The following KCNQ2 variants were observed in gnomAD, a reference collection of about 807,000 sequenced individuals.
The protein encoded by KCNQ2 is potassium voltage-gated channel subfamily KQT member 2.
KCNQ2 carries 14 observed loss-of-function variants against 84.8 expected under a neutral mutation model. The ratio of observed to expected loss-of-function variants is 0.17; its 90% confidence interval spans 0.11 to 0.26. KCNQ2 has a LOEUF of 0.26. Among genes scored for constraint, KCNQ2 ranks in the 10% least tolerant of loss-of-function variants. KCNQ2 has a pLI of 1.00. For missense variants in KCNQ2, 788 were observed against 1,254.0 expected (o/e 0.63, Z 5.61); for synonymous variants, 599 against 554.1 (o/e 1.08, Z -1.14).
intron 12 of KCNQ2, among the ~76,000 whole-genome samples, chr20:63,419,267 G>C (rs1291960847): frequency 6.6e-6 from 1 of 152,188 alleles, no homozygotes; most frequent in Non-Finnish European, 1.5e-5. Flanking sequence ...CCTCAGGTAC[G>C]CAGCAGAGGT....
chr20:63,455,274 C>A (rs1228941522), intron 1 of KCNQ2, among the ~76,000 whole-genome samples: 1 of 152,160 alleles, frequency 6.6e-6, no homozygotes, highest in East Asian at 1.9e-4. Flanking sequence ...GCAGCCGTTG[C>A]CAAGGAGATA....
At position 63,406,436 on chromosome 20, in the gene KCNQ2, G is replaced by T; in HGVS notation, c.*208C>A. 1.5e-6 allele frequency: 1 copy of T among 646,954 alleles called. No homozygotes were observed. The highest frequency in any genetic ancestry group is 2.6e-6 in the Non-Finnish European group (1 of 386,062). The allele number at this position is 646,954 out of a possible 1,614,324, so 40.1% of individuals were successfully genotyped here. ...TCCTGGAGCCACAGGGCCCTGCCCA[G>T]CCCTCCAGCCCCTGTTGGAAAATAA... On this transcript the variant is annotated 3_prime_UTR_variant, in exon 17 of 17. Transcript: ENST00000359125.
chr20:63,408,649 C>T lies in KCNQ2; in HGVS notation c.1764-113G>A. On this transcript the variant is annotated intron_variant, in intron 15 of 16. Coordinates refer to ENST00000359125, the MANE Select transcript of KCNQ2 (RefSeq NM_172107.4). This position sits in a 1 kb window ranked among gnomAD's most constrained non-coding sequence, Gnocchi z 5.0. ...CTGGGTCTAGGCTGCAGGCTCAGCCCAGAGCCGACCAGGGGGCAGTGGGTG... is the reference window on the plus strand; with the variant it reads ...CTGGGTCTAGGCTGCAGGCTCAGCCTAGAGCCGACCAGGGGGCAGTGGGTG... 6.7e-7 allele frequency: 1 copy of T among 1,489,652 alleles called. No individual in the cohort carries two copies. The highest frequency in any genetic ancestry group is 9.1e-7 in the Non-Finnish European group (1 of 1,102,190). The allele number at this position is 1,489,652 out of a possible 1,614,324, so 92.3% of individuals were successfully genotyped here.
Position 63,406,543 on chromosome 20 carries a change from C to G in KCNQ2, c.*101G>C. ...CAGGGCCCACCCTTCCCGCCACACT[C>G]AGTTACTGTAAGAAAAGGGCCCCAG... On this transcript the variant is annotated 3_prime_UTR_variant, in exon 17 of 17. Coordinates refer to ENST00000359125, the MANE Select transcript of KCNQ2 (RefSeq NM_172107.4). 1.5e-6 allele frequency: 2 copies of G among 1,361,194 alleles called. No homozygotes were observed. Among genetic ancestry groups the G allele is most frequent in the Admixed American group, 2.7e-5 (1 of 37,232 alleles). The allele number at this position is 1,361,194 out of a possible 1,614,324, so 84.3% of individuals were successfully genotyped here.
At chr20:63,462,480 C>A (rs955463942) in intron 1 of KCNQ2, among the ~76,000 whole-genome samples, 5 of 152,162 alleles carry the variant, frequency 3.3e-5, no homozygotes, top group African/African-American at 1.2e-4. Flanking sequence ...ACCACCTGAG[C>A]AGCAGGCAGC....
chr20:63,428,390 C>A lies in KCNQ2; in HGVS notation c.1194G>T (p.Lys398Asn). The A allele has an allele frequency of 6.3e-7, 1 of 1,581,568 alleles. No homozygotes were observed. The highest frequency in any genetic ancestry group is 8.6e-7 in the Non-Finnish European group (1 of 1,164,062). ...LNQLELLRNL[K>N]SKSGLAFRKD... ...ACCTGAAAGCGAGTCCAGATTTACT[C>A]TTGAGGTTCCTCAGCAGCTCCAGCT... Residue 398 changes from lysine to asparagine, a missense_variant, in exon 10 of 17, where the codon AAG (lysine) becomes AAT (asparagine). By Grantham distance (94) the Lys-to-Asn change is moderately conservative (BLOSUM62 0). Coordinates refer to ENST00000359125, the MANE Select transcript of KCNQ2 (RefSeq NM_172107.4).
chr20:63,421,218 C>T (rs770224671), intron 11 of KCNQ2, among the ~76,000 whole-genome samples: 5 of 152,236 alleles, frequency 3.3e-5, no homozygotes, highest in African/African-American at 4.8e-5. Context: ...CCCTGCCGCC[C>T]GATTCTGCAA....
chr20:63,406,777 T>G lies in KCNQ2; in HGVS notation c.2486A>C (p.Lys829Thr). 1.2e-6 allele frequency: 2 copies of G among 1,612,578 alleles called. No individual in the cohort carries two copies. The highest frequency in any genetic ancestry group is 1.7e-6 in the Non-Finnish European group (2 of 1,179,852). The change falls in exon 17 of 17, where the codon AAA (lysine) becomes ACA (threonine). Residue 829 changes from lysine to threonine, a missense_variant. By Grantham distance (78) the Lys-to-Thr change is moderately conservative. Transcript: ENST00000359125. ...SCYAAVAPCA[K>T]VRPYIAEGES... ...TCCCTCCGCAATGTAGGGCCTGACT[T>G]TGGCACAAGGCGCCACGGCCGCGTA...
intron 1 of KCNQ2, among the ~76,000 whole-genome samples, chr20:63,464,980 A>G (rs2082046022): frequency 6.6e-6 from 1 of 152,218 alleles, no homozygotes; most frequent in South Asian, 2.1e-4. Flanking sequence ...AAAGCCACAC[A>G]AGCTCACCAA....
At chr20:63,411,292 G>C (rs1214160139) in intron 15 of KCNQ2, among the ~76,000 whole-genome samples, 4 of 152,218 alleles carry the variant, frequency 2.6e-5, no homozygotes, top group Admixed American at 2.6e-4. Context: ...GAGCCACCCA[G>C]GGCCCAGGTC....
intron 8 of KCNQ2, among the ~76,000 whole-genome samples, chr20:63,433,260 G>T (rs1400152180): frequency 6.6e-6 from 1 of 152,218 alleles, no homozygotes; most frequent in Non-Finnish European, 1.5e-5. Context: ...TGCCCGAGGG[G>T]CTCCAAGGTT....
rs1469956651 is a variant in KCNQ2 at position 63,472,488 on chromosome 20, G to A, written c.-25C>T. ...TGGTGCCTGGCGGGAGGCGCCCCGG[G>A]TCGGGCTCAGGCTCAGCGGGGGCGG... On this transcript the variant is annotated 5_prime_UTR_variant, in exon 1 of 17. Transcript: ENST00000359125. 1.3e-6 allele frequency: 2 copies of A among 1,485,618 alleles called. No individual in the cohort carries two copies. Among genetic ancestry groups the A allele is most frequent in the African/African-American group, 1.5e-5 (1 of 68,328 alleles). 92.0% of individuals were successfully genotyped at this position (1,485,618 alleles called of 1,614,324 possible).
At chr20:63,418,023 C>T (rs181510127) in intron 12 of KCNQ2, among the ~76,000 whole-genome samples, 23 of 152,290 alleles carry the variant, frequency 1.5e-4, no homozygotes, top group Non-Finnish European at 2.4e-4. Flanking sequence ...GAGGGTGGCG[C>T]GACCTGGACA....
intron 1 of KCNQ2, 34 bp downstream of exon 1, chr20:63,472,134 G>T: frequency 1.4e-6 from 2 of 1,442,506 alleles, no homozygotes; most frequent in African/African-American, 1.5e-5. Flanking sequence ...GGGTCGCCAT[G>T]GGGGTCGCCA....
At chr20:63,420,706 G>A (rs950327939) in intron 11 of KCNQ2, among the ~76,000 whole-genome samples, 5 of 152,100 alleles carry the variant, frequency 3.3e-5, no homozygotes, top group East Asian at 1.9e-4. Context: ...TCAGCCGCCC[G>A]GGTAGGCTGA....
chr20:63,446,595 G>T lies in KCNQ2; in HGVS notation c.387+152C>A. ...GCATAGCCCGGGCTGTGGGGCTGGG[G>T]GCAGATGGGAACTGACAGGGCACAA... On this transcript the variant is annotated intron_variant, in intron 2 of 16. Coordinates refer to ENST00000359125, the MANE Select transcript of KCNQ2 (RefSeq NM_172107.4). This position sits in a 1 kb window ranked among gnomAD's most constrained non-coding sequence, Gnocchi z 5.5. 1.4e-6 allele frequency: 1 copy of T among 694,356 alleles called. No individual in the cohort carries two copies. Among genetic ancestry groups the T allele is most frequent in the Non-Finnish European group, 2.6e-6 (1 of 391,562 alleles). The allele number at this position is 694,356 out of a possible 1,614,324, so 43.0% of individuals were successfully genotyped here. A position where few individuals can be genotyped will look rare whatever the true frequency, so the allele number is the denominator to read the frequency against.
chr20:63,431,347 C>T lies in KCNQ2; in HGVS notation c.1141G>A (p.Ala381Thr), dbSNP rs766051106. The change falls in exon 9 of 17, where the codon GCC becomes ACC. Residue 381 changes from alanine (A) to threonine (T), a missense_variant. Coordinates refer to ENST00000359125, the MANE Select transcript of KCNQ2 (RefSeq NM_172107.4). ...TGTCCATGCATTTCCTACCTGGAGGCCCCGTAGGTTTGAGTTTGCGAACTT... is the reference window on the plus strand; with the variant it reads ...TGTCCATGCATTTCCTACCTGGAGGTCCCGTAGGTTTGAGTTTGCGAACTT... ...MYSSQTQTYG[A>T]SRLIPPLNQL... The T allele has an allele frequency of 6.2e-7, 1 of 1,613,734 alleles. No homozygotes were observed. Among genetic ancestry groups the T allele is most frequent in the South Asian group, 1.1e-5 (1 of 91,084 alleles).
At chr20:63,411,071 C>T (rs910998099) in intron 15 of KCNQ2, 13 of 448,454 alleles carry the variant, frequency 2.9e-5, no homozygotes, top group African/African-American at 2.2e-4. Context: ...GCCCATCAGC[C>T]GGGGCTCTCG....
chr20:63,451,350 C>T (rs2081611273), intron 1 of KCNQ2, among the ~76,000 whole-genome samples: 1 of 152,028 alleles, frequency 6.6e-6, no homozygotes, highest in Non-Finnish European at 1.5e-5. Flanking sequence ...GATGTTAAAC[C>T]TGGCTTTGGG....
Sources: allele counts gnomAD v4.1 joint callset (sites outside exome capture counted in the v4.1 genomes callset), GRCh38; gene constraint gnomAD v4.1.1; non-coding constraint Gnocchi (gnomAD v3.1); transcripts MANE v1.5; gene names NCBI Gene and HGNC (gene_info 2026-07-23, HGNC 2026-07-21).